ST6GALNAC3: variants seen among roughly 807,000 people sequenced by gnomAD.
ST6GALNAC3 encodes ST6 N-acetylgalactosaminide alpha-2,6-sialyltransferase 3.
A neutral mutation model predicts 32.7 loss-of-function variants in ST6GALNAC3; 25 were observed. The observed-to-expected ratio is 0.76, with a 90% CI of 0.56 to 1.07. ST6GALNAC3 has a LOEUF of 1.07. Ranked by LOEUF, ST6GALNAC3 falls within the 50% of genes least tolerant of loss-of-function variation. ST6GALNAC3 has a pLI of 0.00. For synonymous variants in ST6GALNAC3, 129 were observed against 133.1 expected (o/e 0.97, Z 0.21); for missense variants, 355 against 382.4 (o/e 0.93, Z 0.60).
chr1:76,232,049 CGTATG>C (rs1195127882), intron 1 of ST6GALNAC3, among the ~76,000 whole-genome samples: 2 of 152,130 alleles, frequency 1.3e-5, no homozygotes, highest in East Asian at 1.9e-4. Context: ...TACCCAAGGT[CGTATG>C]GTTTGGACAA....
At chr1:76,382,985 GA>G (rs2101121167) in intron 2 of ST6GALNAC3, among the ~76,000 whole-genome samples, 1 of 152,044 alleles carries the variant, frequency 6.6e-6, no homozygotes, top group South Asian at 2.1e-4. Flanking sequence ...GAAAACCTAA[GA>G]AGAAGAAAAG....
At chr1:76,496,533 G>A (rs998859948) in intron 3 of ST6GALNAC3, among the ~76,000 whole-genome samples, 3 of 152,056 alleles carry the variant, frequency 2.0e-5, no homozygotes, top group African/African-American at 7.2e-5. Flanking sequence ...AAGAGCACTT[G>A]GAGCCATCCT....
At chr1:76,488,614 G>C (rs1477286895) in intron 3 of ST6GALNAC3, among the ~76,000 whole-genome samples, 1 of 152,150 alleles carries the variant, frequency 6.6e-6, no homozygotes, top group Non-Finnish European at 1.5e-5. Context: ...AAATTCATGG[G>C]TGAATTCAAG....
chr1:76,200,107 A>G (rs1360614084), intron 1 of ST6GALNAC3, among the ~76,000 whole-genome samples: 2 of 152,198 alleles, frequency 1.3e-5, no homozygotes, highest in Admixed American at 6.5e-5. Flanking sequence ...TAAGTATGGG[A>G]GAAAACTTTT....
chr1:76,432,361 A>T (rs1163268731), intron 3 of ST6GALNAC3, among the ~76,000 whole-genome samples: 8 of 151,434 alleles, frequency 5.3e-5, no homozygotes, highest in African/African-American at 1.7e-4. Context: ...GTAAATTTTC[A>T]ACTTGTTTGG....
At chr1:76,173,323 C>A (rs1211647512) in intron 1 of ST6GALNAC3, among the ~76,000 whole-genome samples, 3 of 152,160 alleles carry the variant, frequency 2.0e-5, no homozygotes, top group Non-Finnish European at 4.4e-5. Context: ...ACACCTTATA[C>A]AAAAATTCAC....
chr1:76,117,986 T>G (rs1017066836), intron 1 of ST6GALNAC3, among the ~76,000 whole-genome samples: 6 of 152,206 alleles, frequency 3.9e-5, no homozygotes, highest in African/African-American at 1.4e-4. Context: ...TTTTTTTTAT[T>G]ATTACTTTAA....
At chr1:76,440,340 G>A (rs1449319619) in intron 3 of ST6GALNAC3, among the ~76,000 whole-genome samples, 1 of 152,220 alleles carries the variant, frequency 6.6e-6, no homozygotes, top group Non-Finnish European at 1.5e-5. Context: ...CGAAAAGTAA[G>A]CCTTGTGGCA....
intron 3 of ST6GALNAC3, among the ~76,000 whole-genome samples, chr1:76,559,841 T>C (rs113141879): frequency 3.0e-4 from 45 of 152,264 alleles, no homozygotes; most frequent in Non-Finnish European, 5.3e-4. Flanking sequence ...TGGAGAATGC[T>C]ACTGTGTGCT....
At chr1:76,137,341 T>C (rs993447477) in intron 1 of ST6GALNAC3, among the ~76,000 whole-genome samples, 4 of 152,222 alleles carry the variant, frequency 2.6e-5, no homozygotes, top group Non-Finnish European at 4.4e-5. Context: ...ATTTCTAAGA[T>C]TGAAGTGGCC....
chr1:76,226,483 G>A (rs1021320992), intron 1 of ST6GALNAC3, among the ~76,000 whole-genome samples: 4 of 152,182 alleles, frequency 2.6e-5, no homozygotes, highest in Non-Finnish European at 5.9e-5. Flanking sequence ...AATTTTACTG[G>A]TGTATTAGTC....
chr1:76,585,954 T>C (rs1646956493), intron 3 of ST6GALNAC3, among the ~76,000 whole-genome samples: 1 of 152,186 alleles, frequency 6.6e-6, no homozygotes. Flanking sequence ...TTTCAAATAT[T>C]TAGTTTCTAA....
At position 76,627,485 on chromosome 1, in the gene ST6GALNAC3, G is replaced by A. The variant is rs1427043061; in HGVS notation, c.657G>A (p.Trp219Ter). 1 of 1,612,614 alleles carries A rather than the reference G, an allele frequency of 6.2e-7. No homozygotes were observed. ...CTGGCTCATATCTCAGCACAGGGTG[G>A]TTTACCTTCCTTCTGGCCATGGACG... ...VQSGSYLSTGWFTFLLAMDAC... is the reference protein window; with the variant it reads ...VQSGSYLSTG The change falls in exon 4 of 5, where the codon TGG becomes TGA. Residue 219 changes from tryptophan to a stop codon, truncating the protein, a stop_gained. Transcript: ENST00000328299. LOFTEE classifies it high-confidence loss of function.
intron 3 of ST6GALNAC3, among the ~76,000 whole-genome samples, chr1:76,548,796 A>C (rs1664448047): frequency 6.6e-6 from 1 of 152,086 alleles, no homozygotes; most frequent in Admixed American, 6.5e-5. Context: ...ATTTACCCTC[A>C]GTCATGGTTC....
At position 76,592,627 on chromosome 1, in the gene ST6GALNAC3, C is replaced by T. The variant is rs150010412; in HGVS notation, c.624-34825C>T. 1.6e-3 allele frequency among the ~76,000 whole-genome samples: 249 copies of T among 152,188 alleles called. 7 individuals are homozygous for T. Among genetic ancestry groups the T allele is most frequent in the Admixed American group, 0.015 (228 of 15,288 alleles). ...GAGCCCCTGACCCTGGCTCTATCAC[C>T]GCCCACTCCTCTTCACCTCAGACTT... On this transcript the variant is annotated intron_variant, in intron 3 of 4. Transcript: ENST00000328299.
At chr1:76,539,157 C>T (rs1663819458) in intron 3 of ST6GALNAC3, among the ~76,000 whole-genome samples, 1 of 152,058 alleles carries the variant, frequency 6.6e-6, no homozygotes, top group Non-Finnish European at 1.5e-5. Flanking sequence ...TGGTACTAGA[C>T]CAAAACAGAC....
chr1:76,180,865 G>C (rs1570336967), intron 1 of ST6GALNAC3, among the ~76,000 whole-genome samples: 1 of 152,180 alleles, frequency 6.6e-6, no homozygotes, highest in African/African-American at 2.4e-5. Context: ...CTTCAAGTCT[G>C]TGTGTGACCC....
Position 76,629,797 on chromosome 1 carries a change from T to C in ST6GALNAC3, c.*991T>C, listed in dbSNP as rs1400073183. The C allele has an allele frequency of 6.2e-6, 6 of 971,710 alleles. No individual in the cohort carries two copies. The highest frequency in any genetic ancestry group is 4.9e-6 in the Non-Finnish European group (4 of 817,408). 60.2% of individuals were successfully genotyped at this position (971,710 alleles called of 1,614,324 possible). A position where few individuals can be genotyped will look rare whatever the true frequency, so the allele number is the denominator to read the frequency against. ...ATCCTATCATACTTCATAATATATA[T>C]TTGTATATTCAAATTTCTATTTTAT... On this transcript the variant is annotated 3_prime_UTR_variant, in exon 5 of 5. Transcript: ENST00000328299.
At position 76,257,920 on chromosome 1, in the gene ST6GALNAC3, A is replaced by T. The variant is rs189404479; in HGVS notation, c.19-55885A>T. On this transcript the variant is annotated intron_variant, in intron 1 of 4. Coordinates refer to ENST00000328299, the MANE Select transcript of ST6GALNAC3 (RefSeq NM_152996.4). ...TGTGGAATCTCGCTCTATAAAGCAG[A>T]TGAAAAAATGTGGACCCAGTCTGGC... 3.3e-3 allele frequency among the ~76,000 whole-genome samples: 495 copies of T among 152,224 alleles called. 3 individuals are homozygous for T. Among genetic ancestry groups the T allele is most frequent in the Non-Finnish European group, 4.9e-3 (336 of 68,026 alleles).
Sources: gnomAD v4.1 joint callset for allele counts (sites outside exome capture counted in the v4.1 genomes callset) on GRCh38, gnomAD v4.1.1 for gene constraint, MANE v1.5 for transcripts, NCBI Gene and HGNC (gene_info 2026-07-23, HGNC 2026-07-21) for gene names.